The following BPTF variants were observed in gnomAD, a reference collection of about 807,000 sequenced individuals.
The protein encoded by BPTF is nucleosome-remodeling factor subunit BPTF.
Under a neutral mutation model 292.5 loss-of-function variants are expected in BPTF, and 18 were observed. The observed-to-expected ratio is 0.06, with a 90% CI of 0.04 to 0.09. The LOEUF is 0.09. Among genes scored for constraint, BPTF ranks in the 10% least tolerant of loss-of-function variants. BPTF has a pLI of 1.00. For missense variants in BPTF, 2,726 were observed against 3,498.7 expected (o/e 0.78, Z 5.57); for synonymous variants, 1,225 against 1,251.9 (o/e 0.98, Z 0.45).
chr17:67,924,630 TG>T, intron 15 of BPTF, 41 bp downstream of exon 15: 1 of 1,593,826 alleles, frequency 6.3e-7, no homozygotes, highest in Non-Finnish European at 8.5e-7. Flanking sequence ...AAGGCCCAAA[TG>T]GAGGCTCTTT....
intron 1 of BPTF, among the ~76,000 whole-genome samples, chr17:67,834,503 G>A (rs2056973743): frequency 6.6e-6 from 1 of 152,028 alleles, no homozygotes; most frequent in South Asian, 2.1e-4. Flanking sequence ...GAGAAGTCTT[G>A]AAGTCTGCAG....
In BPTF at chr17:67,984,303, A is replaced by G. The variant is rs1344042805; in HGVS notation, c.*2015A>G. The G allele has an allele frequency of 6.6e-6, 1 of 152,634 alleles. No individual in the cohort carries two copies. Among genetic ancestry groups the G allele is most frequent in the Non-Finnish European group, 1.5e-5 (1 of 68,040 alleles). The allele number at this position is 152,634 out of a possible 1,614,324, so 9.5% of individuals were successfully genotyped here. On this transcript the variant is annotated 3_prime_UTR_variant, in exon 28 of 28. Transcript: ENST00000306378. ...CTATGTTTTTAACAAATTGTGGCAA[A>G]TTCTAAACAGCAATTCTTTTGTACG... is the stretch of plus-strand genomic sequence containing the variant.
At chr17:67,914,639 C>T (rs1166948057) in intron 11 of BPTF, among the ~76,000 whole-genome samples, 4 of 152,094 alleles carry the variant, frequency 2.6e-5, no homozygotes, top group African/African-American at 9.7e-5. Flanking sequence ...TTGTGGAGGC[C>T]GACCTTTCTG....
chr17:67,854,051 A>G lies in BPTF; in HGVS notation c.725A>G (p.His242Arg), dbSNP rs748993040. 6.2e-7 allele frequency: 1 copy of G among 1,614,228 alleles called. No homozygotes were observed. Among genetic ancestry groups the G allele is most frequent in the South Asian group, 1.1e-5 (1 of 91,090 alleles). The change falls in exon 2 of 28, where the codon CAT (histidine) becomes CGT (arginine). Residue 242 changes from histidine (H) to arginine (R), a missense_variant. His to Arg is a conservative substitution (Grantham distance 29). Around this residue, in one of 22 missense-constraint regions of BPTF, gnomAD observed 102 missense variants for 212.6 expected, o/e 0.48. Coordinates refer to ENST00000306378, the MANE Select transcript of BPTF (RefSeq NM_182641.4). This position sits in a 1 kb window ranked among gnomAD's most constrained non-coding sequence, Gnocchi z 5.6. ...GAGGATTTAATGGTGCCTAATGAGCATATAATGAATGTCATTGCCATTTAC... is the reference window on the plus strand; with the variant it reads ...GAGGATTTAATGGTGCCTAATGAGCGTATAATGAATGTCATTGCCATTTAC... ...SSEDLMVPNE[H>R]IMNVIAIYEV...
chr17:67,864,571 A>G (rs2059285937), intron 2 of BPTF, among the ~76,000 whole-genome samples: 1 of 151,962 alleles, frequency 6.6e-6, no homozygotes, highest in South Asian at 2.1e-4. Context: ...TAAACAAAAC[A>G]AAACAGACCA....
At chr17:67,837,463 A>G (rs1047897938) in intron 1 of BPTF, among the ~76,000 whole-genome samples, 20 of 151,052 alleles carry the variant, frequency 1.3e-4, no homozygotes, top group African/African-American at 4.9e-4. Context: ...GCTGGAGTGC[A>G]GTGGCATGAT....
rs199557757 is a variant in BPTF, at chr17:67,959,751, C to T, written c.8137C>T (p.Arg2713Trp). Reference sequence around the variant, plus strand: ...ACCTGCTGCTTCCCAGAAGAGGAAGCGGGAAGAGGAAAAAGACTCCAGCTC... The same window carrying T: ...ACCTGCTGCTTCCCAGAAGAGGAAGTGGGAAGAGGAAAAAGACTCCAGCTC... ...TLPAASQKRKREEEKDSSSKS... is the reference protein window; with the variant it reads ...TLPAASQKRKWEEEKDSSSKS... The change falls in exon 24 of 28, where the codon CGG (arginine) becomes TGG (tryptophan). Residue 2713 changes from arginine (R) to tryptophan (W), a missense_variant. By Grantham distance (101) the Arg-to-Trp change is moderately radical (BLOSUM62 -3). Transcript: ENST00000306378. 1.1e-5 allele frequency: 18 copies of T among 1,613,060 alleles called. No homozygotes were observed. The highest frequency in any genetic ancestry group is 2.2e-5 in the South Asian group (2 of 91,044).
chr17:67,908,064 T>G (rs1311354007), intron 9 of BPTF, among the ~76,000 whole-genome samples: 1 of 152,220 alleles, frequency 6.6e-6, no homozygotes, highest in African/African-American at 2.4e-5. Flanking sequence ...TCTAATAGGG[T>G]TCTGTGACAC....
intron 26 of BPTF, 40 bp downstream of exon 26, chr17:67,966,696 CAG>C (rs782313362): frequency 5.0e-6 from 7 of 1,392,104 alleles, no homozygotes; most frequent in Non-Finnish European, 6.7e-6. Context: ...TCAGAAGTCT[CAG>C]TGGATGTTTT....
rs534445219 is a variant in BPTF at position 67,931,863 on chromosome 17, T to C, written c.6151-48T>C. 18 of 1,426,406 alleles carry C rather than the reference T, an allele frequency of 1.3e-5. No homozygotes were observed. In the Middle Eastern group the frequency reaches 7.1e-4, roughly 56 times the overall value. 88.4% of individuals were successfully genotyped at this position (1,426,406 alleles called of 1,614,324 possible). Reference sequence around the variant, plus strand: ...CTTGTGTTCTAAGTCCATTATACTTTAATCTTTTTAAAGCATTTTAATTCA... The same window carrying C: ...CTTGTGTTCTAAGTCCATTATACTTCAATCTTTTTAAAGCATTTTAATTCA... On this transcript the variant is annotated intron_variant, in intron 17 of 27. Transcript: ENST00000306378.
intron 3 of BPTF, among the ~76,000 whole-genome samples, chr17:67,869,223 A>G (rs190040196): frequency 2.0e-5 from 3 of 152,322 alleles, no homozygotes; most frequent in African/African-American, 7.2e-5. Context: ...TCTAAAAGGC[A>G]ATGTGAGATA....
chr17:67,832,855 T>G (rs2056824747), intron 1 of BPTF, among the ~76,000 whole-genome samples: 1 of 146,628 alleles, frequency 6.8e-6, no homozygotes, highest in East Asian at 2.1e-4. Flanking sequence ...TGGCGGGATC[T>G]CAGCTCACTG....
Position 67,929,470 on chromosome 17 carries a change from A to C in BPTF, c.6133A>C (p.Thr2045Pro), listed in dbSNP as rs375972695. 142 of 1,614,004 alleles carry C rather than the reference A, an allele frequency of 8.8e-5. No homozygotes were observed. Among genetic ancestry groups the C allele is most frequent in the Non-Finnish European group, 1.2e-4 (137 of 1,180,014 alleles). Residue 2045 changes from threonine (T) to proline (P), a missense_variant, in exon 17 of 28, where the codon ACC becomes CCC. This residue lies in a region of BPTF where 570 missense variants were observed against 633.5 expected (regional missense o/e 0.90). Transcript: ENST00000306378. Reference sequence around the variant, plus strand: ...GCCCAATACCTCAGGCTCTGGAGGAACCACAAGCAATTCACAAGTAAGAAT... The same window carrying C: ...GCCCAATACCTCAGGCTCTGGAGGACCCACAAGCAATTCACAAGTAAGAAT... The part of the protein sequence containing the change: ...IRPNTSGSGG[T>P]TSNSQVITGP...
At chr17:67,966,795 T>A (rs1156762127) in intron 26 of BPTF, 139 bp downstream of exon 26, 8 of 754,808 alleles carry the variant, frequency 1.1e-5, no homozygotes, top group South Asian at 5.0e-5. Flanking sequence ...GGGTAAATTG[T>A]TAGTATCTAT....
intron 4 of BPTF, among the ~76,000 whole-genome samples, chr17:67,885,481 T>G (rs920465842): frequency 2.6e-5 from 4 of 151,828 alleles, no homozygotes; most frequent in African/African-American, 9.7e-5. Flanking sequence ...TCCCAGCTAC[T>G]CAGGAGGCTG....
At chr17:67,949,483 G>A (rs571592971) in intron 23 of BPTF, among the ~76,000 whole-genome samples, 1 of 151,948 alleles carries the variant, frequency 6.6e-6, no homozygotes, top group East Asian at 1.9e-4. Context: ...GCTGAGGCAG[G>A]ATAATCGTTT....
intron 15 of BPTF, among the ~76,000 whole-genome samples, chr17:67,926,221 C>T (rs2063877737): frequency 6.6e-6 from 1 of 150,824 alleles, no homozygotes; most frequent in Admixed American, 6.6e-5. Context: ...ATTGCCCAGG[C>T]TAGTCTTGAA....
At chr17:67,926,398 T>C (rs1310346972) in intron 15 of BPTF, among the ~76,000 whole-genome samples, 7 of 147,940 alleles carry the variant, frequency 4.7e-5, no homozygotes, top group African/African-American at 1.8e-4. Context: ...GATCTCGGCT[T>C]ACTGCAAGCT....
At chr17:67,939,764 C>G (rs1191382239) in intron 18 of BPTF, among the ~76,000 whole-genome samples, 6 of 152,190 alleles carry the variant, frequency 3.9e-5, no homozygotes, top group Non-Finnish European at 8.8e-5. Context: ...CCTGTAGTCC[C>G]AGCTACTCGG....
Sources: allele counts gnomAD v4.1 joint callset (sites outside exome capture counted in the v4.1 genomes callset), GRCh38; gene constraint gnomAD v4.1.1; regional missense constraint gnomAD v4.1.1; non-coding constraint Gnocchi (gnomAD v3.1); transcripts MANE v1.5; gene names NCBI Gene and HGNC (gene_info 2026-07-23, HGNC 2026-07-21).